The following ERC1 variants were observed in gnomAD, a reference collection of about 807,000 sequenced individuals.
ERC1 encodes the protein ELKS/RAB6-interacting/CAST family member 1.
In ERC1, 56 loss-of-function variants were observed where a neutral mutation model predicts 132.0. The ratio of observed to expected loss-of-function variants is 0.42; its 90% CI spans 0.34 to 0.53. The LOEUF (loss-of-function observed/expected upper bound fraction) is 0.53. ERC1 is among the 20% of genes least tolerant of loss of function. The probability of loss-of-function intolerance (pLI) is 0.03; values close to 1 mark genes in which losing one functional copy is unlikely to be tolerated. For missense variants in ERC1, 1,202 were observed against 1,349.9 expected (o/e 0.89, Z 1.72); for synonymous variants, 478 against 476.1 (o/e 1.00, Z -0.05).
chr12:1,404,400 T>G (rs1385171888), intron 16 of ERC1, among the ~76,000 whole-genome samples: 2 of 147,666 alleles, frequency 1.4e-5, no homozygotes, highest in Admixed American at 6.7e-5. Flanking sequence ...AAAAAAAAAG[T>G]ATGTTATTTG....
At chr12:1,262,908 C>G (rs1026205461) in intron 13 of ERC1, 126 bp from the exon 14 acceptor site, 2 of 883,496 alleles carry the variant, frequency 2.3e-6, no homozygotes, top group African/African-American at 3.4e-5. Context: ...GTGACGATAT[C>G]TTGTTGACCT....
chr12:1,082,482 A>G (rs1450732244), intron 2 of ERC1, among the ~76,000 whole-genome samples: 2 of 110,458 alleles, frequency 1.8e-5, no homozygotes, highest in African/African-American at 3.6e-5. Context: ...TGAAAAAAAA[A>G]AATTTTTTTT....
At chr12:1,207,169 CT>C (rs1957420533) in intron 12 of ERC1, among the ~76,000 whole-genome samples, 1 of 152,108 alleles carries the variant, frequency 6.6e-6, no homozygotes. Context: ...TGATTACACA[CT>C]TTAAAAAGAT....
At chr12:1,284,321 A>G (rs1393457900) in intron 14 of ERC1, among the ~76,000 whole-genome samples, 1 of 142,608 alleles carries the variant, frequency 7.0e-6, no homozygotes, top group Non-Finnish European at 1.5e-5. Flanking sequence ...TACATACCAC[A>G]TTTTATCCAT....
chr12:1,465,488 G>A (rs752793407), intron 18 of ERC1, among the ~76,000 whole-genome samples: 5 of 152,200 alleles, frequency 3.3e-5, no homozygotes, highest in Non-Finnish European at 7.3e-5. Context: ...AGCTCCTGTA[G>A]GAACAGTAGC....
intron 18 of ERC1, among the ~76,000 whole-genome samples, chr12:1,482,379 G>A (rs2094110377): frequency 7.4e-6 from 1 of 134,546 alleles, no homozygotes; most frequent in Non-Finnish European, 1.6e-5. Context: ...CTACCTATTT[G>A]TGGCAGTTAC....
intron 14 of ERC1, among the ~76,000 whole-genome samples, chr12:1,288,298 A>G (rs1370461437): frequency 1.3e-5 from 2 of 152,220 alleles, no homozygotes; most frequent in Admixed American, 6.5e-5. Context: ...TTTGTTTAGT[A>G]GAGACAGGGT....
intron 17 of ERC1, among the ~76,000 whole-genome samples, chr12:1,420,353 G>T (rs2092372700): frequency 6.6e-6 from 1 of 152,034 alleles, no homozygotes; most frequent in East Asian, 1.9e-4. Flanking sequence ...CTGAACCAGG[G>T]ACTGACTTAA....
At chr12:1,401,980 A>G (rs567352775) in intron 16 of ERC1, among the ~76,000 whole-genome samples, 2 of 152,170 alleles carry the variant, frequency 1.3e-5, no homozygotes, top group Non-Finnish European at 2.9e-5. Flanking sequence ...GAGAAGGTAC[A>G]TTCATCTGAT....
At chr12:1,060,718 T>C (rs975305262) in intron 2 of ERC1, among the ~76,000 whole-genome samples, 3 of 115,832 alleles carry the variant, frequency 2.6e-5, no homozygotes, top group African/African-American at 9.9e-5. Context: ...TCACATAACG[T>C]GGGAAATTTT....
At chr12:1,372,729 G>C (rs888607811) in intron 16 of ERC1, among the ~76,000 whole-genome samples, 1 of 152,228 alleles carries the variant, frequency 6.6e-6, no homozygotes, top group Non-Finnish European at 1.5e-5. Context: ...CCCAGCCTCC[G>C]TGGCTGTCTC....
chr12:1,187,668 C>T (rs866364391), intron 11 of ERC1, among the ~76,000 whole-genome samples: 4 of 152,038 alleles, frequency 2.6e-5, no homozygotes, highest in Non-Finnish European at 4.4e-5. Flanking sequence ...CTTTTCCTAC[C>T]GTTTAGGCCT....
intron 18 of ERC1, among the ~76,000 whole-genome samples, chr12:1,472,881 A>G (rs1243078582): frequency 6.6e-6 from 1 of 152,224 alleles, no homozygotes; most frequent in Non-Finnish European, 1.5e-5. Flanking sequence ...AGGGAATCTC[A>G]TCTTCTATCA....
rs547108142 is a variant in ERC1 at position 1,349,954 on chromosome 12, A to G, written c.2781-21879A>G. 1.1e-4 allele frequency among the ~76,000 whole-genome samples: 16 copies of G among 152,334 alleles called. No homozygotes were observed. The South Asian group carries it at 1.9e-3, about 18-fold the overall frequency. On this transcript the variant is annotated intron_variant, in intron 15 of 18. Transcript: ENST00000360905. Reference sequence around the variant, plus strand: ...TCTCTAAGCAGAGAATGCTCTGACAACTTTGTCTCCAGGTCCACTCTACTG... The same window carrying G: ...TCTCTAAGCAGAGAATGCTCTGACAGCTTTGTCTCCAGGTCCACTCTACTG...
intron 13 of ERC1, among the ~76,000 whole-genome samples, chr12:1,259,559 T>G (rs1016116379): frequency 7.2e-6 from 1 of 139,170 alleles, no homozygotes; most frequent in African/African-American, 2.8e-5. Context: ...AGTCTCACTC[T>G]GTTACCCAGG....
intron 15 of ERC1, among the ~76,000 whole-genome samples, chr12:1,368,847 G>A (rs1308275265): frequency 1.3e-5 from 2 of 152,134 alleles, no homozygotes; most frequent in African/African-American, 4.8e-5. Flanking sequence ...GATTATATGT[G>A]CAATATATAA....
chr12:1,374,319 G>T (rs1436227235), intron 16 of ERC1, among the ~76,000 whole-genome samples: 1 of 152,094 alleles, frequency 6.6e-6, no homozygotes, highest in African/African-American at 2.4e-5. Flanking sequence ...AGCAATGAGG[G>T]ATATATAGAT....
In ERC1 at chr12:1,240,335, A is replaced by G. The variant is rs566687278; in HGVS notation, c.2487+3431A>G. On this transcript the variant is annotated intron_variant, in intron 13 of 18. Transcript: ENST00000360905. ...GAGTGGTGGTGACATGGGGTGTATG[A>G]TATTATCTTTCCTATACTTTTGCAT... is the stretch of plus-strand genomic sequence containing the variant. Among the ~76,000 whole-genome samples, 5 of 152,276 alleles carry G rather than the reference A, an allele frequency of 3.3e-5. No homozygotes were observed. In the South Asian group the frequency reaches 1.0e-3, roughly 32 times the overall value.
chr12:1,388,345 CAAAAAAAAA>C (rs34634557), intron 16 of ERC1, among the ~76,000 whole-genome samples: 2 of 85,078 alleles, frequency 2.4e-5, no homozygotes, highest in African/African-American at 7.8e-5. Flanking sequence ...GACTCTGTCT[CAAAAAAAAA>C]AAAAAAAAAA....
Sources: gnomAD v4.1 joint callset for allele counts (sites outside exome capture counted in the v4.1 genomes callset) on GRCh38, gnomAD v4.1.1 for gene constraint, MANE v1.5 for transcripts, NCBI Gene and HGNC (gene_info 2026-07-23, HGNC 2026-07-21) for gene names.